Variants in COL4A1 observed in about 807,000 individuals in gnomAD.
COL4A1 encodes collagen type IV alpha 1 chain.
COL4A1 carries 40 observed loss-of-function variants against 216.6 expected under a neutral mutation model. The observed-to-expected ratio is 0.18, with a 90% confidence interval of 0.14 to 0.24. The LOEUF (loss-of-function observed/expected upper bound fraction) is 0.24, where lower values mean the gene tolerates loss of function less well. Ranked by LOEUF, COL4A1 falls within the 10% of genes least tolerant of loss-of-function variation. The probability of loss-of-function intolerance (pLI) is 1.00; values close to 1 mark genes in which losing one functional copy is unlikely to be tolerated. For missense variants in COL4A1, 1,628 were observed against 2,196.8 expected, an observed-to-expected ratio of 0.74 and a Z score of 5.18; for synonymous variants, 839 against 810.7, an observed-to-expected ratio of 1.03 and a Z score of -0.59.
At chr13:110,258,767 T>C (rs543427501) in intron 1 of COL4A1, among the ~76,000 whole-genome samples, 15 of 152,322 alleles carry the variant, frequency 9.8e-5, no homozygotes, top group Admixed American at 1.3e-4. Context: ...AGTCTTACTA[T>C]GCAAAGAAGC....
chr13:110,273,155 T>C (rs1291549364), intron 1 of COL4A1, among the ~76,000 whole-genome samples: 1 of 152,226 alleles, frequency 6.6e-6, no homozygotes, highest in African/African-American at 2.4e-5. Flanking sequence ...CTTTGGGGCA[T>C]TATGGGCCTG....
At chr13:110,187,372 T>G in intron 24 of COL4A1, 43 bp from the exon 25 acceptor site, 1 of 1,606,826 alleles carries the variant, frequency 6.2e-7, no homozygotes, top group South Asian at 1.1e-5. Flanking sequence ...AACCCATCCA[T>G]GAAGCACACC....
Position 110,162,311 on chromosome 13 carries a change from G to A in COL4A1, c.4381C>T (p.Pro1461Ser). ...TGGTAAAGAATTTTGGTCCCAGAAGGACACTGTGGGTCATCTATTGTTTGA... is the reference window on the plus strand; with the variant it reads ...TGGTAAAGAATTTTGGTCCCAGAAGAACACTGTGGGTCATCTATTGTTTGA... Reference protein sequence around the residue: ...HSQTIDDPQCPSGTKILYHGY... With the variant: ...HSQTIDDPQCSSGTKILYHGY... The change falls in exon 48 of 52, where the codon CCT (proline) becomes TCT (serine). Residue 1461 changes from proline (P) to serine (S), a missense_variant. Around this residue, in one of 8 missense-constraint regions of COL4A1, gnomAD observed 254 missense variants for 300.1 expected, o/e 0.85. Transcript: ENST00000375820. 6 of 1,614,236 alleles carry A rather than the reference G, an allele frequency of 3.7e-6. No individual in the cohort carries two copies. The highest frequency in any genetic ancestry group is 5.1e-6 in the Non-Finnish European group (6 of 1,180,028).
chr13:110,179,198 T>A lies in COL4A1; in HGVS notation c.2344+73A>T. The A allele has an allele frequency of 1.9e-6, 3 of 1,594,056 alleles. No homozygotes were observed. In the Admixed American group the frequency reaches 5.0e-5, roughly 27 times the overall value. On this transcript the variant is annotated intron_variant, in intron 30 of 51. Coordinates refer to ENST00000375820, the MANE Select transcript of COL4A1 (RefSeq NM_001845.6). ...ACAAATACATATCAAATATACTCGGTAGGGGCTCTGGGAATGCAAAAATAA... is the reference window on the plus strand; with the variant it reads ...ACAAATACATATCAAATATACTCGGAAGGGGCTCTGGGAATGCAAAAATAA...
At position 110,294,261 on chromosome 13, in the gene COL4A1, C is replaced by T. The variant is rs149311176; in HGVS notation, c.84+12683G>A. Among the ~76,000 whole-genome samples, 70 of 152,324 alleles carry T rather than the reference C, an allele frequency of 4.6e-4. 2 individuals carry two copies. In the East Asian group the frequency reaches 0.011, roughly 24 times the overall value. On this transcript the variant is annotated intron_variant, in intron 1 of 51. Transcript: ENST00000375820. ...AGCATCTCTTTTCTCTGCCTGCCTC[C>T]AGCCCCTTCACACAGGGTCCGGCTG...
chr13:110,282,106 T>C (rs1011612543), intron 1 of COL4A1, among the ~76,000 whole-genome samples: 1 of 152,234 alleles, frequency 6.6e-6, no homozygotes, highest in African/African-American at 2.4e-5. Flanking sequence ...GTTTCTAGTG[T>C]ATAAAACTTT....
chr13:110,214,893 C>T (rs1879994723), intron 2 of COL4A1, among the ~76,000 whole-genome samples: 3 of 152,212 alleles, frequency 2.0e-5, no homozygotes, highest in Non-Finnish European at 4.4e-5. Context: ...CAGATAGCAA[C>T]GACTACTTCA....
chr13:110,168,052 C>T (rs531668730), intron 43 of COL4A1, among the ~76,000 whole-genome samples: 4 of 151,846 alleles, frequency 2.6e-5, no homozygotes, highest in African/African-American at 7.3e-5. Flanking sequence ...CAGAGTCTCG[C>T]TCTGTCATCC....
chr13:110,201,726 G>A (rs1879257228), intron 18 of COL4A1: 2 of 712,680 alleles, frequency 2.8e-6, no homozygotes, highest in Non-Finnish European at 2.6e-6. Flanking sequence ...GCTCACGCCT[G>A]TAATCCCAGC....
chr13:110,195,411 CTTGCGAA>C (rs1177731023), intron 21 of COL4A1, among the ~76,000 whole-genome samples: 2 of 152,180 alleles, frequency 1.3e-5, no homozygotes, highest in Non-Finnish European at 2.9e-5. Flanking sequence ...TTCATTTCAT[CTTGCGAA>C]GTGCCTACCA....
At chr13:110,225,378 G>A (rs531337151) in intron 2 of COL4A1, among the ~76,000 whole-genome samples, 2 of 152,234 alleles carry the variant, frequency 1.3e-5, no homozygotes, top group Non-Finnish European at 2.9e-5. Flanking sequence ...GAGGTCAGGC[G>A]TTCAAGACCA....
intron 2 of COL4A1, among the ~76,000 whole-genome samples, chr13:110,234,487 C>G (rs561020082): frequency 2.0e-5 from 3 of 151,966 alleles, no homozygotes; most frequent in African/African-American, 7.3e-5. Context: ...GAGGCTGAGG[C>G]GTGAGAATCA....
chr13:110,216,848 T>C (rs943864144), intron 2 of COL4A1, among the ~76,000 whole-genome samples: 23 of 152,218 alleles, frequency 1.5e-4, no homozygotes, highest in Admixed American at 1.4e-3. Flanking sequence ...TTCCGATGCT[T>C]AACTGACTTG....
intron 22 of COL4A1, among the ~76,000 whole-genome samples, chr13:110,194,048 C>T (rs778651012): frequency 5.3e-5 from 8 of 152,124 alleles, no homozygotes; most frequent in African/African-American, 7.2e-5. Context: ...AACCTCTGGA[C>T]GCTGGATCTG....
intron 17 of COL4A1, among the ~76,000 whole-genome samples, chr13:110,203,841 G>C (rs1319285649): frequency 6.6e-6 from 1 of 151,848 alleles, no homozygotes; most frequent in Non-Finnish European, 1.5e-5. Flanking sequence ...ATATAAGTTG[G>C]GGGCTAATTA....
chr13:110,281,771 T>C (rs532517139), intron 1 of COL4A1, among the ~76,000 whole-genome samples: 32 of 152,240 alleles, frequency 2.1e-4, no homozygotes, highest in Non-Finnish European at 4.1e-4. Flanking sequence ...TTTACCAATC[T>C]GGCAGGAACA....
chr13:110,263,463 A>C (rs571652967), intron 1 of COL4A1, among the ~76,000 whole-genome samples: 1 of 152,236 alleles, frequency 6.6e-6, no homozygotes, highest in East Asian at 1.9e-4. Context: ...TATTATTTTA[A>C]AATTTTGGCA....
intron 28 of COL4A1, among the ~76,000 whole-genome samples, chr13:110,182,475 T>G (rs1010129335): frequency 6.6e-6 from 1 of 151,790 alleles, no homozygotes; most frequent in Non-Finnish European, 1.5e-5. Flanking sequence ...TTGATCAAGG[T>G]CTACCTGAGG....
intron 1 of COL4A1, among the ~76,000 whole-genome samples, chr13:110,258,545 A>C (rs1440293063): frequency 6.6e-6 from 1 of 152,202 alleles, no homozygotes; most frequent in Non-Finnish European, 1.5e-5. Flanking sequence ...ATCTCAAAAA[A>C]AAAGAAAAGA....
Sources: allele counts gnomAD v4.1 joint callset (sites outside exome capture counted in the v4.1 genomes callset), GRCh38; gene constraint gnomAD v4.1.1; regional missense constraint gnomAD v4.1.1; transcripts MANE v1.5; gene names NCBI Gene and HGNC (gene_info 2026-07-23, HGNC 2026-07-21).